NUBPL: variants seen among roughly 807,000 people sequenced by gnomAD.
NUBPL encodes the protein iron-sulfur cluster transfer protein NUBPL.
In NUBPL, 31 loss-of-function variants were observed where a neutral mutation model predicts 45.7. That is an observed-to-expected ratio of 0.68 (90% CI 0.51 to 0.92). The LOEUF (loss-of-function observed/expected upper bound fraction) is 0.92, where lower values mean the gene tolerates loss of function less well. Among genes scored for constraint, NUBPL ranks in the 40% least tolerant of loss-of-function variants. The probability of loss-of-function intolerance (pLI) is 0.00; values close to 1 mark genes in which losing one functional copy is unlikely to be tolerated. For synonymous variants in NUBPL, 144 were observed against 140.9 expected (o/e 1.02, Z -0.15); for missense variants, 401 against 398.7 (o/e 1.01, Z -0.05).
At chr14:31,814,585 G>A (rs777536857) in intron 7 of NUBPL, among the ~76,000 whole-genome samples, 2 of 151,418 alleles carry the variant, frequency 1.3e-5, no homozygotes, top group Non-Finnish European at 2.9e-5. Flanking sequence ...CATTGCTTTT[G>A]GTGTTTTAAT....
At chr14:31,801,800 C>T (rs1260712316) in intron 7 of NUBPL, among the ~76,000 whole-genome samples, 1 of 152,140 alleles carries the variant, frequency 6.6e-6, no homozygotes, top group African/African-American at 2.4e-5. Context: ...TTCTTTGTTC[C>T]CTCTGTGTTC....
At chr14:31,668,138 G>A (rs1211283249) in intron 4 of NUBPL, among the ~76,000 whole-genome samples, 2 of 152,240 alleles carry the variant, frequency 1.3e-5, no homozygotes, top group Admixed American at 6.5e-5. Context: ...GAATGTTTAA[G>A]TCAGCTGAAG....
rs1371466147 is a variant in NUBPL, at chr14:31,754,573, T to A, written c.514-33207T>A. Among the ~76,000 whole-genome samples, 3 of 147,532 alleles carry A rather than the reference T, an allele frequency of 2.0e-5. No individual in the cohort carries two copies. In the Admixed American group the frequency reaches 2.0e-4, roughly 10 times the overall value. On this transcript the variant is annotated intron_variant, in intron 6 of 10. Coordinates refer to ENST00000281081, the MANE Select transcript of NUBPL (RefSeq NM_025152.3). Reference sequence around the variant, plus strand: ...TAGAAGATTGTGGGTTTTAAATTGATAATGTCAAGAGGGTTTTCTTTTTTT... The same window carrying A: ...TAGAAGATTGTGGGTTTTAAATTGAAAATGTCAAGAGGGTTTTCTTTTTTT...
intron 4 of NUBPL, among the ~76,000 whole-genome samples, chr14:31,610,335 G>C (rs1329262837): frequency 6.6e-6 from 1 of 151,746 alleles, no homozygotes; most frequent in South Asian, 2.1e-4. Flanking sequence ...TCATATACAC[G>C]TACAACCTAC....
rs535841122 is a variant in NUBPL, at chr14:31,763,633, A to G, written c.514-24147A>G. Among the ~76,000 whole-genome samples the G allele has an allele frequency of 3.3e-5, 5 of 152,326 alleles. No homozygotes were observed. In the South Asian group the frequency reaches 8.3e-4, roughly 25 times the overall value. On this transcript the variant is annotated intron_variant, in intron 6 of 10. Transcript: ENST00000281081. ...TTTGTTTTGATTTATTGTCCTATAC[A>G]TTAATATTTCAGAATTACTGAGAGT...
intron 6 of NUBPL, among the ~76,000 whole-genome samples, chr14:31,716,699 T>C (rs2037696154): frequency 6.6e-6 from 1 of 152,218 alleles, no homozygotes; most frequent in African/African-American, 2.4e-5. Flanking sequence ...CAATGCCTAA[T>C]GGAAAGCTCT....
At chr14:31,702,709 G>C (rs768891765) in intron 6 of NUBPL, among the ~76,000 whole-genome samples, 1 of 152,160 alleles carries the variant, frequency 6.6e-6, no homozygotes, top group African/African-American at 2.4e-5. Flanking sequence ...GAGGCTACTA[G>C]GATGGTTTTT....
intron 4 of NUBPL, among the ~76,000 whole-genome samples, chr14:31,663,222 G>A (rs750175962): frequency 5.3e-5 from 8 of 152,284 alleles, no homozygotes; most frequent in South Asian, 4.1e-4. Context: ...TTCTTTTGCT[G>A]TGTAGAAGCT....
At chr14:31,677,482 T>C (rs2036727823) in intron 6 of NUBPL, among the ~76,000 whole-genome samples, 1 of 152,222 alleles carries the variant, frequency 6.6e-6, no homozygotes, top group Non-Finnish European at 1.5e-5. Context: ...TTGAGAGGAC[T>C]TGAGTGTTGT....
chr14:31,773,158 G>A (rs1223540051), intron 6 of NUBPL, among the ~76,000 whole-genome samples: 2 of 152,058 alleles, frequency 1.3e-5, no homozygotes, highest in African/African-American at 4.8e-5. Context: ...AATTTCTCCT[G>A]TGTAACAATT....
rs573796549 is a variant in NUBPL, at chr14:31,855,122, A to G, written c.898-3996A>G. ...TAGATAAATACTAAAAGATTACAGA[A>G]TGATGGCCTTGTCTCATCTTGCTTT... On this transcript the variant is annotated intron_variant, in intron 10 of 10. Transcript: ENST00000281081. Among the ~76,000 whole-genome samples, 7 of 152,362 alleles carry G rather than the reference A, an allele frequency of 4.6e-5. No individual in the cohort carries two copies. In the East Asian group the frequency reaches 1.4e-3, roughly 29 times the overall value.
chr14:31,825,326 T>C (rs1333804232), intron 7 of NUBPL, among the ~76,000 whole-genome samples: 1 of 152,212 alleles, frequency 6.6e-6, no homozygotes, highest in Admixed American at 6.5e-5. Context: ...ATTGAATTAG[T>C]TAGCTTTTCT....
In NUBPL at chr14:31,650,579, G is replaced by A. The variant is rs545141509; in HGVS notation, c.383-22776G>A. Among the ~76,000 whole-genome samples the A allele has an allele frequency of 1.6e-3, 238 of 152,180 alleles. 1 individual carries two copies. The highest frequency in any genetic ancestry group is 4.1e-3 in the Admixed American group (63 of 15,288). Reference sequence around the variant, plus strand: ...GTTGGGATTACAGGCGTTAGTCACCGCACCTGGCCCCAGGAATGGCTTTCA... The same window carrying A: ...GTTGGGATTACAGGCGTTAGTCACCACACCTGGCCCCAGGAATGGCTTTCA... On this transcript the variant is annotated intron_variant, in intron 4 of 10. Transcript: ENST00000281081.
chr14:31,814,947 G>A, intron 7 of NUBPL, among the ~76,000 whole-genome samples: 1 of 152,146 alleles, frequency 6.6e-6, no homozygotes, highest in East Asian at 1.9e-4. Context: ...TAGACTTGTA[G>A]TATAGTTTGA....
chr14:31,593,395 TC>T (rs2034195848), intron 3 of NUBPL, among the ~76,000 whole-genome samples: 1 of 151,348 alleles, frequency 6.6e-6, no homozygotes, highest in Non-Finnish European at 1.5e-5. Context: ...GCGTCTGTAG[TC>T]CCGGTTACTC....
chr14:31,754,591 CTTTTTTTTTTT>C (rs59085679), intron 6 of NUBPL, among the ~76,000 whole-genome samples: 47 of 103,698 alleles, frequency 4.5e-4, no homozygotes, highest in Middle Eastern at 5.5e-3. Context: ...AGAGGGTTTT[CTTTTTTTTTTT>C]TTTTTTTTTT....
intron 6 of NUBPL, among the ~76,000 whole-genome samples, chr14:31,783,071 T>C (rs1029799117): frequency 2.0e-5 from 3 of 152,158 alleles, no homozygotes; most frequent in Non-Finnish European, 4.4e-5. Context: ...GGATTTTACA[T>C]TGAGAAAGGT....
chr14:31,828,896 G>A (rs1041586627), intron 8 of NUBPL, among the ~76,000 whole-genome samples: 1 of 152,226 alleles, frequency 6.6e-6, no homozygotes. Flanking sequence ...TGGTCACTAA[G>A]TCCAGGTTAG....
At chr14:31,600,449 G>A (rs2034401005) in intron 4 of NUBPL, among the ~76,000 whole-genome samples, 1 of 152,164 alleles carries the variant, frequency 6.6e-6, no homozygotes, top group African/African-American at 2.4e-5. Context: ...ATAGCTTTGG[G>A]ATGTGGAAGG....
Sources: gnomAD v4.1 joint callset for allele counts (sites outside exome capture counted in the v4.1 genomes callset) on GRCh38, gnomAD v4.1.1 for gene constraint, MANE v1.5 for transcripts, NCBI Gene and HGNC (gene_info 2026-07-23, HGNC 2026-07-21) for gene names.